Variants in MSR1 observed in about 807,000 individuals in gnomAD.
The protein encoded by MSR1 is macrophage scavenger receptor types I and II.
MSR1 carries 53 observed loss-of-function variants against 47.2 expected under a neutral mutation model. The ratio of observed to expected loss-of-function variants is 1.12; its 90% CI spans 0.90 to 1.41. MSR1 has a LOEUF of 1.41. MSR1 is among the 40% of genes most tolerant of loss of function. MSR1 has a pLI of 0.00. For synonymous variants in MSR1, 239 were observed against 185.6 expected (o/e 1.29, Z -2.34); for missense variants, 786 against 546.9 (o/e 1.44, Z -4.36).
chr8:16,155,556 T>C (rs546733139), intron 5 of MSR1, among the ~76,000 whole-genome samples: 1 of 151,990 alleles, frequency 6.6e-6, no homozygotes, highest in Non-Finnish European at 1.5e-5. Context: ...TTAAAAGACA[T>C]TTGTGATACC....
chr8:16,158,835 A>G (rs752796576), intron 5 of MSR1, among the ~76,000 whole-genome samples: 14 of 148,572 alleles, frequency 9.4e-5, no homozygotes, highest in Admixed American at 6.8e-4. Flanking sequence ...AATTGACTTC[A>G]TTTTCCACAT....
chr8:16,111,850 G>A (rs1585129002), intron 9 of MSR1, among the ~76,000 whole-genome samples: 3 of 152,284 alleles, frequency 2.0e-5, no homozygotes, highest in Admixed American at 2.0e-4. Flanking sequence ...ATAAGGAACT[G>A]TACGTGCTCA....
intron 3 of MSR1, among the ~76,000 whole-genome samples, chr8:16,170,466 CTATT>C (rs924826887): frequency 5.9e-5 from 9 of 152,032 alleles, no homozygotes; most frequent in African/African-American, 1.9e-4. Flanking sequence ...CTATATGTAT[CTATT>C]TATACCTTTT....
chr8:16,126,048 T>G (rs1800120951), intron 8 of MSR1, among the ~76,000 whole-genome samples: 1 of 152,130 alleles, frequency 6.6e-6, no homozygotes, highest in Admixed American at 6.5e-5. Context: ...ATATTATTTC[T>G]TTTCTTTATT....
chr8:16,129,168 T>G (rs1050355529), intron 8 of MSR1, among the ~76,000 whole-genome samples: 1 of 152,184 alleles, frequency 6.6e-6, no homozygotes, highest in Non-Finnish European at 1.5e-5. Context: ...TTGAACTTTC[T>G]AGGAAATAAA....
At chr8:16,120,380 C>G (rs1201151294) in intron 9 of MSR1, 38 bp downstream of exon 9, 1 of 1,598,714 alleles carries the variant, frequency 6.3e-7, no homozygotes, top group Non-Finnish European at 8.6e-7. Flanking sequence ...CTGTCTGAAA[C>G]AACAACAACA....
intron 8 of MSR1, chr8:16,121,031 G>T: frequency 3.0e-6 from 1 of 332,948 alleles, no homozygotes; most frequent in South Asian, 2.5e-5. Context: ...CAATACTATA[G>T]GAGGGCGAGG....
In MSR1 at chr8:16,168,687, T is replaced by C. The variant is rs1801392088; in HGVS notation, c.401A>G (p.Asn134Ser). ...RIQHILDMEA[N>S]LMDTEHFQNF... ...TTGGAAATGCTCTGTGTCCATGAGG[T>C]TGGCTTCCATGTCTAAAATATGCTG... Residue 134 changes from asparagine (N) to serine (S), a missense_variant, in exon 4 of 10, where the codon AAC (asparagine) becomes AGC (serine). Physicochemically the swap from Asn to Ser is conservative, Grantham distance 46 (BLOSUM62 1). Coordinates refer to ENST00000262101, the MANE Select transcript of MSR1 (RefSeq NM_138715.3). 18 of 1,614,058 alleles carry C rather than the reference T, an allele frequency of 1.1e-5. No individual in the cohort carries two copies. Among genetic ancestry groups the C allele is most frequent in the Non-Finnish European group, 1.5e-5 (18 of 1,180,022 alleles).
chr8:16,155,222 A>G, intron 5 of MSR1, 78 bp from the exon 6 acceptor site: 1 of 1,036,656 alleles, frequency 9.6e-7, no homozygotes, highest in Admixed American at 1.9e-5. Context: ...AGGTACTTAT[A>G]TAAGGAAATC....
At chr8:16,192,446 G>C (rs577512591) in intron 1 of MSR1, among the ~76,000 whole-genome samples, 152 bp downstream of exon 1, 17 of 125,168 alleles carry the variant, frequency 1.4e-4, no homozygotes, top group African/African-American at 6.2e-4. Flanking sequence ...AATTATTGCT[G>C]ATACAATAAA....
chr8:16,172,151 C>G (rs968815034), intron 3 of MSR1, among the ~76,000 whole-genome samples: 6 of 152,150 alleles, frequency 3.9e-5, no homozygotes, highest in African/African-American at 1.4e-4. Context: ...TTTTACTATG[C>G]ACATTGCTCT....
chr8:16,175,078 T>A (rs560167957), intron 3 of MSR1, 109 bp downstream of exon 3: 31 of 879,520 alleles, frequency 3.5e-5, no homozygotes, highest in South Asian at 2.9e-4. Context: ...AATGCAGTAT[T>A]TTCTTTATGA....
At chr8:16,138,941 T>C (rs1216369191) in intron 8 of MSR1, among the ~76,000 whole-genome samples, 1 of 152,204 alleles carries the variant, frequency 6.6e-6, no homozygotes, top group Non-Finnish European at 1.5e-5. Context: ...CTCATCAGCA[T>C]TGTCTTGGGC....
At chr8:16,186,083 C>T (rs1420510821) in intron 1 of MSR1, 1 of 1,262,338 alleles carries the variant, frequency 7.9e-7, no homozygotes, top group Non-Finnish European at 1.1e-6. Context: ...AGAAATAAAA[C>T]CTTGCAAGAT....
intron 2 of MSR1, among the ~76,000 whole-genome samples, chr8:16,176,080 C>G (rs35150566): frequency 0.011 from 1,707 of 152,190 alleles, 15 homozygotes; most frequent in Non-Finnish European, 0.017. Context: ...AATTTATTTT[C>G]TATGGTCATT....
At chr8:16,139,972 C>A in intron 8 of MSR1, 1 of 463,236 alleles carries the variant, frequency 2.2e-6, no homozygotes, top group Non-Finnish European at 2.8e-6. Flanking sequence ...ATTGTAATTG[C>A]TTGTTCATTT....
chr8:16,175,511 C>A (rs1801620756), intron 2 of MSR1, among the ~76,000 whole-genome samples: 1 of 152,174 alleles, frequency 6.6e-6, no homozygotes, highest in African/African-American at 2.4e-5. Context: ...CTGACTTATC[C>A]ACTCACTAAA....
chr8:16,187,364 CAAAA>C (rs751848634), intron 1 of MSR1, among the ~76,000 whole-genome samples: 6 of 35,434 alleles, frequency 1.7e-4, no homozygotes, highest in South Asian at 1.4e-3. Flanking sequence ...ACTCTGTCTC[CAAAA>C]AAAAAAAAAA....
rs143426475 is a variant in MSR1 at position 16,153,633 on chromosome 8, T to C, written c.898+1431A>G. On this transcript the variant is annotated intron_variant, in intron 6 of 9. Coordinates refer to ENST00000262101, the MANE Select transcript of MSR1 (RefSeq NM_138715.3). ...TAACATTAACACAAGCTGAAATTTA[T>C]AAATCCTTCTATTTCATACATTCAC... Among the ~76,000 whole-genome samples the C allele has an allele frequency of 5.7e-3, 866 of 152,144 alleles. 9 individuals carry two copies. Among genetic ancestry groups the C allele is most frequent in the African/African-American group, 0.015 (636 of 41,550 alleles).
Sources: gnomAD v4.1 joint callset for allele counts (sites outside exome capture counted in the v4.1 genomes callset) on GRCh38, gnomAD v4.1.1 for gene constraint, MANE v1.5 for transcripts, NCBI Gene and HGNC (gene_info 2026-07-23, HGNC 2026-07-21) for gene names.